The following TMEM132C variants were observed in gnomAD, a reference collection of about 807,000 sequenced individuals.
TMEM132C encodes the protein protein phosphatase 1, regulatory subunit 152.
In TMEM132C, 29 loss-of-function variants were observed where a neutral mutation model predicts 61.4. The observed-to-expected ratio is 0.47, with a 90% CI of 0.35 to 0.64. The LOEUF (loss-of-function observed/expected upper bound fraction) is 0.64, where lower values mean the gene tolerates loss of function less well. TMEM132C is among the 30% of genes least tolerant of loss of function. The pLI, the probability that TMEM132C is intolerant of heterozygous loss-of-function variation, is 0.00. For missense variants in TMEM132C, 1,408 were observed against 1,476.9 expected (o/e 0.95, Z 0.76); for synonymous variants, 656 against 633.1 (o/e 1.04, Z -0.54).
chr12:128,476,423 G>A (rs1871158255), intron 2 of TMEM132C, among the ~76,000 whole-genome samples: 1 of 152,170 alleles, frequency 6.6e-6, no homozygotes, highest in South Asian at 2.1e-4. Flanking sequence ...ACTCCGGGAG[G>A]TTGTAATGGG....
At chr12:128,319,692 G>C (rs1268298033) in intron 1 of TMEM132C, among the ~76,000 whole-genome samples, 1 of 152,048 alleles carries the variant, frequency 6.6e-6, no homozygotes, top group Non-Finnish European at 1.5e-5. Flanking sequence ...CAGGCGTGGT[G>C]GTGGGTACCT....
At chr12:128,325,741 G>A (rs1189895535) in intron 1 of TMEM132C, among the ~76,000 whole-genome samples, 1 of 152,152 alleles carries the variant, frequency 6.6e-6, no homozygotes, top group Non-Finnish European at 1.5e-5. Context: ...TCACCAGTGG[G>A]CATCTGGTGC....
chr12:128,663,585 A>G (rs1954415971), intron 4 of TMEM132C, among the ~76,000 whole-genome samples: 2 of 152,188 alleles, frequency 1.3e-5, no homozygotes, highest in Non-Finnish European at 2.9e-5. Flanking sequence ...CCCCTAACAT[A>G]TTTCAGTCTA....
chr12:128,518,993 T>G (rs534333668), intron 2 of TMEM132C, among the ~76,000 whole-genome samples: 2 of 152,178 alleles, frequency 1.3e-5, no homozygotes, highest in Non-Finnish European at 2.9e-5. Flanking sequence ...CTTAGAAGGG[T>G]ATTTGGTGTG....
intron 8 of TMEM132C, among the ~76,000 whole-genome samples, chr12:128,698,325 G>T (rs1011380135): frequency 6.6e-6 from 1 of 152,186 alleles, no homozygotes; most frequent in African/African-American, 2.4e-5. Flanking sequence ...GGATGGGCTC[G>T]TCTGACCCTA....
At chr12:128,314,095 T>C (rs1872067904) in intron 1 of TMEM132C, among the ~76,000 whole-genome samples, 1 of 152,188 alleles carries the variant, frequency 6.6e-6, no homozygotes, top group African/African-American at 2.4e-5. Flanking sequence ...ATCTCTTTAA[T>C]AGCTCTTGGC....
At chr12:128,636,564 TTGTGTGTGTGTGTG>T (rs61201583) in intron 4 of TMEM132C, among the ~76,000 whole-genome samples, 9 of 142,346 alleles carry the variant, frequency 6.3e-5, no homozygotes, top group Non-Finnish European at 9.1e-5. Flanking sequence ...GGGTTTTTGT[TTGTGTGTGTGTGTG>T]TGTGTGTGTG....
At chr12:128,422,768 C>A (rs1457312749) in intron 2 of TMEM132C, among the ~76,000 whole-genome samples, 2 of 152,158 alleles carry the variant, frequency 1.3e-5, no homozygotes, top group Non-Finnish European at 2.9e-5. Context: ...AGCAGCATCC[C>A]TGGACTCTAC....
At chr12:128,582,020 G>A (rs1413496713) in intron 3 of TMEM132C, among the ~76,000 whole-genome samples, 1 of 152,286 alleles carries the variant, frequency 6.6e-6, no homozygotes, top group East Asian at 1.9e-4. Flanking sequence ...GATATCAGAG[G>A]GTCAGAGATT....
intron 2 of TMEM132C, among the ~76,000 whole-genome samples, chr12:128,436,120 C>A (rs1439325186): frequency 6.6e-6 from 1 of 152,054 alleles, no homozygotes. Context: ...AACTGGATCC[C>A]TTCCTTACAC....
rs555424367 is a variant in TMEM132C at position 128,448,146 on chromosome 12, T to C, written c.974+32526T>C. On this transcript the variant is annotated intron_variant, in intron 2 of 8. Coordinates refer to ENST00000435159, the MANE Select transcript of TMEM132C (RefSeq NM_001136103.3). ...TGTTGTTGTCACTGGTGAAAATTGG[T>C]GGGAGGCATTGAAGGTTACATCACT... Among the ~76,000 whole-genome samples, 3 of 152,270 alleles carry C rather than the reference T, an allele frequency of 2.0e-5. No homozygotes were observed. The South Asian group carries it at 6.2e-4, about 32-fold the overall frequency.
intron 1 of TMEM132C, among the ~76,000 whole-genome samples, chr12:128,374,420 G>A (rs1481718920): frequency 1.3e-5 from 2 of 152,156 alleles, no homozygotes; most frequent in Admixed American, 6.5e-5. Flanking sequence ...GGTGCCCCTG[G>A]AGTGACTACA....
chr12:128,699,712 A>G (rs1396855784), intron 8 of TMEM132C, among the ~76,000 whole-genome samples: 1 of 152,234 alleles, frequency 6.6e-6, no homozygotes, highest in Non-Finnish European at 1.5e-5. Flanking sequence ...CCATGTAACA[A>G]TATAACATAA....
chr12:128,278,011 C>G lies in TMEM132C; in HGVS notation c.85+10524C>G, dbSNP rs969238458. Among the ~76,000 whole-genome samples the G allele has an allele frequency of 6.6e-6, 1 of 152,156 alleles. No individual in the cohort carries two copies. Among genetic ancestry groups the G allele is most frequent in the Non-Finnish European group, 1.5e-5 (1 of 68,034 alleles). On this transcript the variant is annotated intron_variant, in intron 1 of 8. Transcript: ENST00000435159. This position sits in a 1 kb window ranked among gnomAD's most constrained non-coding sequence, Gnocchi z 4.2. ...TAGCATCTTCTATCACTGACCTCCT[C>G]TTGCAGATAAGGAGACCTTACTTTC...
rs1954451771 is a variant in TMEM132C, at chr12:128,665,526, CAT to C, written c.1306-3889_1306-3888del. Among the ~76,000 whole-genome samples the C allele has an allele frequency of 2.0e-5, 3 of 151,048 alleles. No individual in the cohort carries two copies. The South Asian group carries it at 6.3e-4, about 32-fold the overall frequency. On this transcript the variant is annotated intron_variant, in intron 4 of 8. Coordinates refer to ENST00000435159, the MANE Select transcript of TMEM132C (RefSeq NM_001136103.3). ...ACCCATATGCACACAGGCACTCACA[CAT>C]ACACAAATGCAGGCGCAAAAATACA...
At chr12:128,366,063 G>A (rs1020270329) in intron 1 of TMEM132C, among the ~76,000 whole-genome samples, 2 of 152,208 alleles carry the variant, frequency 1.3e-5, no homozygotes, top group Non-Finnish European at 2.9e-5. Flanking sequence ...TTCGGAAGGC[G>A]CTGTGAATGC....
chr12:128,417,515 A>T (rs1868822908), intron 2 of TMEM132C, among the ~76,000 whole-genome samples: 2 of 152,138 alleles, frequency 1.3e-5, no homozygotes. Context: ...AGGTCTTCCA[A>T]CCAGCTGACC....
At chr12:128,333,020 CTGAT>C (rs1442018813) in intron 1 of TMEM132C, among the ~76,000 whole-genome samples, 2 of 152,058 alleles carry the variant, frequency 1.3e-5, no homozygotes, top group South Asian at 2.1e-4. Flanking sequence ...AGATGCCTTA[CTGAT>C]TATTTGTGTG....
At position 128,705,992 on chromosome 12, in the gene TMEM132C, C is replaced by A. The variant is rs1184434414; in HGVS notation, c.3024C>A (p.Ser1008Arg). 6.4e-7 allele frequency: 1 copy of A among 1,551,576 alleles called. No individual in the cohort carries two copies. The highest frequency in any genetic ancestry group is 2.4e-5 in the East Asian group (1 of 40,912). The part of the protein sequence containing the change: ...IDRGPGACEE[S>R]NHLLLNGGSH... ...GCGGACCGGGGGCCTGCGAGGAGAG[C>A]AACCATCTCCTGCTCAATGGTGGCT... The change falls in exon 9 of 9, where the codon AGC (serine) becomes AGA (arginine). Residue 1008 changes from serine (S) to arginine (R), a missense_variant. By Grantham distance (110) the Ser-to-Arg change is moderately radical. Coordinates refer to ENST00000435159, the MANE Select transcript of TMEM132C (RefSeq NM_001136103.3).
Sources: allele counts gnomAD v4.1 joint callset (sites outside exome capture counted in the v4.1 genomes callset), GRCh38; gene constraint gnomAD v4.1.1; non-coding constraint Gnocchi (gnomAD v3.1); transcripts MANE v1.5; gene names NCBI Gene and HGNC (gene_info 2026-07-23, HGNC 2026-07-21).